The following ACTR3B variants were observed in gnomAD, a reference collection of about 807,000 sequenced individuals.
ACTR3B encodes the protein actin-related protein 3B.
Under a neutral mutation model 59.0 loss-of-function variants are expected in ACTR3B, and 8 were observed. The ratio of observed to expected loss-of-function variants is 0.14; its 90% CI spans 0.08 to 0.24. The LOEUF (loss-of-function observed/expected upper bound fraction) is 0.24. Among genes scored for constraint, ACTR3B ranks in the 10% least tolerant of loss-of-function variants. ACTR3B has a pLI of 1.00. For synonymous variants in ACTR3B, 148 were observed against 197.9 expected (o/e 0.75, Z 2.12); for missense variants, 245 against 552.3 (o/e 0.44, Z 5.58).
intron 10 of ACTR3B, 44 bp downstream of exon 10, chr7:152,852,295 C>T (rs370586367): frequency 1.5e-5 from 23 of 1,554,518 alleles, no homozygotes; most frequent in Non-Finnish European, 1.7e-5. Flanking sequence ...GCTATTGCCC[C>T]AGGCCTGACC....
At chr7:152,780,352 C>CAAAA (rs113559773) in intron 1 of ACTR3B, among the ~76,000 whole-genome samples, 1 of 131,352 alleles carries the variant, frequency 7.6e-6, no homozygotes, top group Non-Finnish European at 1.6e-5. Context: ...AACTCTGTCT[C>CAAAA]AAAAAAAAAA....
In ACTR3B at chr7:152,800,486, G is replaced by A. The variant is rs773273643; in HGVS notation, c.101-45G>A. On this transcript the variant is annotated intron_variant, in intron 2 of 11. Coordinates refer to ENST00000256001, the MANE Select transcript of ACTR3B (RefSeq NM_020445.6). ...ATTATCCCTTTTGATCATTTAAATA[G>A]ATATGGATAGTGATAGAAATCTGTG... 1.9e-6 allele frequency: 3 copies of A among 1,602,912 alleles called. No individual in the cohort carries two copies. In the East Asian group the frequency reaches 6.7e-5, roughly 36 times the overall value.
At chr7:152,807,890 A>G (rs536319746) in intron 4 of ACTR3B, among the ~76,000 whole-genome samples, 3 of 152,252 alleles carry the variant, frequency 2.0e-5, no homozygotes, top group East Asian at 3.9e-4. Context: ...TAAAATACAC[A>G]TAACAGAATT....
At chr7:152,818,487 G>A (rs1337847793) in intron 6 of ACTR3B, among the ~76,000 whole-genome samples, 1 of 151,522 alleles carries the variant, frequency 6.6e-6, no homozygotes, top group African/African-American at 2.4e-5. Flanking sequence ...TTTCACTCTT[G>A]TTGTCCAGGC....
chr7:152,820,174 A>C (rs1796032765), intron 6 of ACTR3B, 125 bp from the exon 7 acceptor site: 3 of 1,514,568 alleles, frequency 2.0e-6, no homozygotes, highest in East Asian at 2.3e-5. Flanking sequence ...GGTGGGGATT[A>C]TGTAAATGCT....
intron 9 of ACTR3B, among the ~76,000 whole-genome samples, chr7:152,847,702 G>T (rs1563157194): frequency 6.6e-6 from 1 of 152,204 alleles, no homozygotes; most frequent in African/African-American, 2.4e-5. Context: ...TTCTGTGGTC[G>T]CACCTAGCTG....
intron 2 of ACTR3B, among the ~76,000 whole-genome samples, chr7:152,795,045 T>TC (rs2098211583): frequency 6.6e-6 from 1 of 151,570 alleles, no homozygotes; most frequent in Non-Finnish European, 1.5e-5. Context: ...TCTTTTTTTT[T>TC]TTTTTTTGAG....
intron 7 of ACTR3B, among the ~76,000 whole-genome samples, chr7:152,821,735 G>A (rs565844368): frequency 6.6e-6 from 1 of 152,318 alleles, no homozygotes; most frequent in African/African-American, 2.4e-5. Context: ...CATAGCCTCC[G>A]AGTCAGCTGC....
At position 152,854,827 on chromosome 7, in the gene ACTR3B, T is replaced by G; in HGVS notation, c.*274T>G. 1 of 367,254 alleles carries G rather than the reference T, an allele frequency of 2.7e-6. No homozygotes were observed. Among genetic ancestry groups the G allele is most frequent in the South Asian group, 5.7e-5 (1 of 17,686 alleles). 22.7% of individuals were successfully genotyped at this position (367,254 alleles called of 1,614,324 possible). On this transcript the variant is annotated 3_prime_UTR_variant, in exon 12 of 12. Coordinates refer to ENST00000256001, the MANE Select transcript of ACTR3B (RefSeq NM_020445.6). The surrounding 1 kb of genome is among the most constrained non-coding windows in gnomAD (Gnocchi z 4.9). The stretch of plus-strand genomic sequence containing the variant: ...CGAGCTGCTAGCTGACAAATACAAT[T>G]CTGAAGGAATCCAAATGTGACTTTG...
rs562588765 is a variant in ACTR3B at position 152,780,400 on chromosome 7, C to T, written c.45-2787C>T. Among the ~76,000 whole-genome samples the T allele has an allele frequency of 2.7e-4, 40 of 150,070 alleles. No individual in the cohort carries two copies. The East Asian group carries it at 6.8e-3, about 26-fold the overall frequency. ...TCTTCATGTTAGTTTGCCTCGGTCA[C>T]GAAAATCATTGTTGGCTTAATGTCA... On this transcript the variant is annotated intron_variant, in intron 1 of 11. Coordinates refer to ENST00000256001, the MANE Select transcript of ACTR3B (RefSeq NM_020445.6).
At chr7:152,803,127 G>T (rs557822753) in intron 4 of ACTR3B, among the ~76,000 whole-genome samples, 180 of 152,284 alleles carry the variant, frequency 1.2e-3, no homozygotes, top group African/African-American at 4.2e-3. Context: ...GCTCACTGCA[G>T]CCTCGGACTC....
intron 2 of ACTR3B, among the ~76,000 whole-genome samples, chr7:152,786,695 A>G (rs1168694012): frequency 6.6e-6 from 1 of 151,898 alleles, no homozygotes; most frequent in Non-Finnish European, 1.5e-5. Flanking sequence ...TAGGTTGAGT[A>G]TCAGACCTCT....
At chr7:152,799,813 A>C (rs2098229132) in intron 2 of ACTR3B, among the ~76,000 whole-genome samples, 1 of 152,236 alleles carries the variant, frequency 6.6e-6, no homozygotes, top group Non-Finnish European at 1.5e-5. Flanking sequence ...ATTTCAATGG[A>C]AAATGGAATC....
rs1435790134 is a variant in ACTR3B at position 152,823,377 on chromosome 7, G to A, written c.720G>A (p.Lys240=). The change falls in exon 8 of 12, where the codon AAG becomes AAA. Residue 240 remains lysine, a synonymous_variant. Coordinates refer to ENST00000256001, the MANE Select transcript of ACTR3B (RefSeq NM_020445.6). ...KYCYICPDIV[K]EFAKYDVDPR... ...GTTACATTTGCCCCGATATAGTCAAGGAATTTGCCAAGTATGATGTGGATC... is the reference window on the plus strand; with the variant it reads ...GTTACATTTGCCCCGATATAGTCAAAGAATTTGCCAAGTATGATGTGGATC... 3 of 1,614,196 alleles carry A rather than the reference G, an allele frequency of 1.9e-6. No individual in the cohort carries two copies. Among genetic ancestry groups the A allele is most frequent in the Admixed American group, 1.7e-5 (1 of 60,020 alleles).
At chr7:152,833,914 T>C (rs917007843) in intron 9 of ACTR3B, among the ~76,000 whole-genome samples, 19 of 152,030 alleles carry the variant, frequency 1.2e-4, no homozygotes, top group Non-Finnish European at 2.4e-4. Context: ...TCAGTCGATA[T>C]AGTGAACTGA....
intron 2 of ACTR3B, among the ~76,000 whole-genome samples, chr7:152,793,935 C>G (rs1426726885): frequency 2.7e-5 from 4 of 150,588 alleles, no homozygotes; most frequent in South Asian, 2.1e-4. Context: ...GGGAGGAGCT[C>G]CATGTTACTG....
rs762757731 is a variant in ACTR3B, at chr7:152,824,863, C to T, written c.859-167C>T. 2.8e-4 allele frequency among the ~76,000 whole-genome samples: 42 copies of T among 152,228 alleles called. No homozygotes were observed. The highest frequency in any genetic ancestry group is 5.7e-4 in the Non-Finnish European group (39 of 68,048). ...GGAGAAATGTGTCATCACCGCTCCA[C>T]GCACTTGTAGTCACATGGGATTCAT... On this transcript the variant is annotated intron_variant, in intron 8 of 11. Transcript: ENST00000256001. This position sits in a 1 kb window ranked among gnomAD's most constrained non-coding sequence, Gnocchi z 4.2.
rs1388773407 is a variant in ACTR3B at position 152,759,809 on chromosome 7, T to TAGCGGGCGGCGG, written c.-68_-57dup. On this transcript the variant is annotated 5_prime_UTR_variant, in exon 1 of 12. Transcript: ENST00000256001. ...TCGCGGGAGACGCTGCGCGCGGGGC[T>TAGCGGGCGGCGG]AGCGGGCGGCGGAGCGGACGGCGAC... is the stretch of plus-strand genomic sequence containing the variant. 5.3e-6 allele frequency: 6 copies of TAGCGGGCGGCGG among 1,124,014 alleles called. No homozygotes were observed. The highest frequency in any genetic ancestry group is 7.8e-5 in the East Asian group (2 of 25,512). The allele number at this position is 1,124,014 out of a possible 1,614,324, so 69.6% of individuals were successfully genotyped here. A position where few individuals can be genotyped will look rare whatever the true frequency, so the allele number is the denominator to read the frequency against.
At chr7:152,827,492 A>C (rs1400852529) in intron 9 of ACTR3B, among the ~76,000 whole-genome samples, 10 of 151,514 alleles carry the variant, frequency 6.6e-5, no homozygotes, top group Non-Finnish European at 1.0e-4. Context: ...AGAGTAGACC[A>C]GAATATGTTA....
Sources: allele counts gnomAD v4.1 joint callset (sites outside exome capture counted in the v4.1 genomes callset), GRCh38; gene constraint gnomAD v4.1.1; non-coding constraint Gnocchi (gnomAD v3.1); transcripts MANE v1.5; gene names NCBI Gene and HGNC (gene_info 2026-07-23, HGNC 2026-07-21).